FHIT: variants seen among roughly 807,000 people sequenced by gnomAD.
The protein encoded by FHIT is fragile histidine triad diadenosine triphosphatase, also known as bis(5'-adenosyl)-triphosphatase.
FHIT carries 19 observed loss-of-function variants against 17.9 expected under a neutral mutation model. That is an observed-to-expected ratio of 1.06 (90% CI 0.74 to 1.56). The LOEUF (loss-of-function observed/expected upper bound fraction) is 1.56. FHIT is among the 40% of genes most tolerant of loss of function. The probability of loss-of-function intolerance (pLI) is 0.00; values close to 1 mark genes in which losing one functional copy is unlikely to be tolerated. For missense variants in FHIT, 248 were observed against 189.2 expected (o/e 1.31, Z -1.82); for synonymous variants, 81 against 69.7 (o/e 1.16, Z -0.81).
In FHIT at chr3:60,224,478, A is replaced by C. The variant is rs1704098085; in HGVS notation, c.104-210326T>G. On this transcript the variant is annotated intron_variant, in intron 5 of 9. Transcript: ENST00000492590. Reference sequence around the variant, plus strand: ...TATGTCTTTCACTTGTTCTTCAAGGAATCTTCGAAATGTTCCCCTCACAAA... The same window carrying C: ...TATGTCTTTCACTTGTTCTTCAAGGCATCTTCGAAATGTTCCCCTCACAAA... Among the ~76,000 whole-genome samples the C allele has an allele frequency of 2.6e-5, 4 of 152,282 alleles. 1 individual carries two copies. In the South Asian group the frequency reaches 8.3e-4, roughly 32 times the overall value.
At position 59,927,515 on chromosome 3, in the gene FHIT, C is replaced by T. The variant is rs984025712; in HGVS notation, c.280-5101G>A. Among the ~76,000 whole-genome samples, 6 of 150,822 alleles carry T rather than the reference C, an allele frequency of 4.0e-5. No homozygotes were observed. In the South Asian group the frequency reaches 1.1e-3, roughly 26 times the overall value. Reference sequence around the variant, plus strand: ...GGGTGCTGTGGTTCACGCCTGTAATCCCAGCACTTTGGGAGGCCGAGGCGG... The same window carrying T: ...GGGTGCTGTGGTTCACGCCTGTAATTCCAGCACTTTGGGAGGCCGAGGCGG... On this transcript the variant is annotated intron_variant, in intron 7 of 9. Transcript: ENST00000492590.
At chr3:60,999,104 G>A (rs185470782) in intron 3 of FHIT, among the ~76,000 whole-genome samples, 2 of 152,214 alleles carry the variant, frequency 1.3e-5, no homozygotes, top group Non-Finnish European at 2.9e-5. Flanking sequence ...GATGAGTAAG[G>A]ACACTGCCAC....
chr3:60,294,900 T>C (rs906056778), intron 5 of FHIT, among the ~76,000 whole-genome samples: 1 of 152,196 alleles, frequency 6.6e-6, no homozygotes, highest in Non-Finnish European at 1.5e-5. Flanking sequence ...GGTATGGATG[T>C]ACCACAGTTC....
chr3:60,028,672 A>G (rs1337669231), intron 5 of FHIT, among the ~76,000 whole-genome samples: 1 of 152,226 alleles, frequency 6.6e-6, no homozygotes, highest in Non-Finnish European at 1.5e-5. Flanking sequence ...TGCACTTTGA[A>G]TCAAATGTAA....
At chr3:59,917,644 A>T (rs899640823) in intron 8 of FHIT, among the ~76,000 whole-genome samples, 5 of 152,218 alleles carry the variant, frequency 3.3e-5, no homozygotes, top group African/African-American at 1.2e-4. Context: ...TAAGATCTGC[A>T]TAGACAACCA....
intron 3 of FHIT, among the ~76,000 whole-genome samples, chr3:60,903,051 CA>C (rs1706205477): frequency 6.6e-6 from 1 of 152,126 alleles, no homozygotes; most frequent in Non-Finnish European, 1.5e-5. Context: ...TTCCAAAATG[CA>C]GAGAATAATT....
At chr3:60,516,347 T>C (rs939367691) in intron 5 of FHIT, among the ~76,000 whole-genome samples, 4 of 152,230 alleles carry the variant, frequency 2.6e-5, no homozygotes, top group East Asian at 1.9e-4. Context: ...TAGAAGATAA[T>C]TGCATCCTTA....
chr3:59,944,192 A>G (rs1235842697), intron 7 of FHIT, among the ~76,000 whole-genome samples: 4 of 152,224 alleles, frequency 2.6e-5, no homozygotes, highest in African/African-American at 9.6e-5. Context: ...ATGCTGACAT[A>G]GTTTATAAAA....
intron 4 of FHIT, among the ~76,000 whole-genome samples, chr3:60,781,042 C>G (rs964135345): frequency 6.6e-6 from 1 of 152,202 alleles, no homozygotes. Context: ...GACAAGGACC[C>G]TCTCTTTAGC....
chr3:61,170,113 T>C (rs2037960085), intron 2 of FHIT, among the ~76,000 whole-genome samples: 1 of 152,110 alleles, frequency 6.6e-6, no homozygotes, highest in African/African-American at 2.4e-5. Flanking sequence ...CAGAGGAGTA[T>C]AATTAAAGTT....
At chr3:60,837,908 C>T (rs1244497154) in intron 3 of FHIT, among the ~76,000 whole-genome samples, 2 of 152,042 alleles carry the variant, frequency 1.3e-5, no homozygotes, top group Admixed American at 1.3e-4. Flanking sequence ...CTTTATCTTC[C>T]CCATTTATAA....
chr3:60,397,981 G>C (rs1403495546), intron 5 of FHIT, among the ~76,000 whole-genome samples: 1 of 152,024 alleles, frequency 6.6e-6, no homozygotes, highest in Non-Finnish European at 1.5e-5. Context: ...AGCCATATTA[G>C]AGAATTTTCC....
chr3:61,005,576 G>C (rs1017486900), intron 3 of FHIT, among the ~76,000 whole-genome samples: 4 of 152,106 alleles, frequency 2.6e-5, no homozygotes, highest in Non-Finnish European at 5.9e-5. Context: ...CTTAAATAAG[G>C]TTTCAGTATA....
At chr3:60,590,091 C>A (rs1379925583) in intron 4 of FHIT, among the ~76,000 whole-genome samples, 1 of 151,922 alleles carries the variant, frequency 6.6e-6, no homozygotes, top group Admixed American at 6.6e-5. Flanking sequence ...AAATAAATTG[C>A]AAAATAATTT....
At position 60,827,501 on chromosome 3, in the gene FHIT, T is replaced by C. The variant is rs541942759; in HGVS notation, c.-110-5490A>G. ...TATGAATAAGTTACCAATGTAAATA[T>C]GCTATTTTGCGCCTTTGAATTTGAG... On this transcript the variant is annotated intron_variant, in intron 3 of 9. Transcript: ENST00000492590. 3.9e-5 allele frequency among the ~76,000 whole-genome samples: 6 copies of C among 152,346 alleles called. No individual in the cohort carries two copies. The South Asian group carries it at 8.3e-4, about 21-fold the overall frequency.
At chr3:59,936,633 C>T (rs2107250958) in intron 7 of FHIT, among the ~76,000 whole-genome samples, 1 of 152,166 alleles carries the variant, frequency 6.6e-6, no homozygotes, top group South Asian at 2.1e-4. Context: ...ATTGCTTAAG[C>T]CTCCCTTTAA....
At chr3:59,774,394 G>A (rs1702210410) in intron 8 of FHIT, among the ~76,000 whole-genome samples, 1 of 152,188 alleles carries the variant, frequency 6.6e-6, no homozygotes, top group Non-Finnish European at 1.5e-5. Context: ...TGGACCGATT[G>A]ACTTAAAATC....
chr3:61,104,786 A>G (rs190224903), intron 2 of FHIT, among the ~76,000 whole-genome samples: 194 of 151,890 alleles, frequency 1.3e-3, no homozygotes, highest in Non-Finnish European at 2.3e-3. Flanking sequence ...TTTTTTCTCT[A>G]TTATCTGACT....
At chr3:60,936,278 A>G (rs1708187031) in intron 3 of FHIT, among the ~76,000 whole-genome samples, 1 of 152,244 alleles carries the variant, frequency 6.6e-6, no homozygotes, top group African/African-American at 2.4e-5. Context: ...CCTCCAAGTC[A>G]TCATTCATTT....
Sources: allele counts gnomAD v4.1 joint callset (sites outside exome capture counted in the v4.1 genomes callset), GRCh38; gene constraint gnomAD v4.1.1; transcripts MANE v1.5; gene names NCBI Gene and HGNC (gene_info 2026-07-23, HGNC 2026-07-21).